The following SMIM10L3 variants were observed in gnomAD, a reference collection of about 807,000 sequenced individuals.
SMIM10L3 encodes small integral membrane protein 10 like 3.
the SMIM10L3 span, chr7:6,329,723 G>C: frequency 6.0e-6 from 1 of 166,258 alleles, no homozygotes; most frequent in African/African-American, 2.4e-5. Flanking sequence ...CTGTAACTGA[G>C]CTACTTTTTT....
At chr7:6,337,934 G>C in the SMIM10L3 span, among the ~76,000 whole-genome samples, 38 of 151,548 alleles carry the variant, frequency 2.5e-4, no homozygotes, top group Non-Finnish European at 4.6e-4. Context: ...CTCCCAAGTA[G>C]CTGGTACTAC....
chr7:6,331,788 T>A, the SMIM10L3 span, among the ~76,000 whole-genome samples: 1 of 147,580 alleles, frequency 6.8e-6, no homozygotes, highest in Non-Finnish European at 1.5e-5. Flanking sequence ...TTGCCTAGGC[T>A]GGAGTGCAAT....
chr7:6,337,095 A>G, the SMIM10L3 span, among the ~76,000 whole-genome samples: 562 of 148,474 alleles, frequency 3.8e-3, 3 homozygotes, highest in South Asian at 0.013. Flanking sequence ...TTGAGACAAG[A>G]GTCTCTCTCT....
chr7:6,339,596 G>T, the SMIM10L3 span, among the ~76,000 whole-genome samples: 1 of 151,736 alleles, frequency 6.6e-6, no homozygotes, highest in Admixed American at 6.6e-5. Context: ...CCATTCCGCT[G>T]CCTCAGCCTC....
At chr7:6,332,004 T>C in the SMIM10L3 span, among the ~76,000 whole-genome samples, 1 of 150,638 alleles carries the variant, frequency 6.6e-6, no homozygotes, top group Non-Finnish European at 1.5e-5. Flanking sequence ...CCCAGCTAGT[T>C]GGGAGGCTGA....
At chr7:6,330,682 T>A in the SMIM10L3 span, 3 of 1,614,126 alleles carry the variant, frequency 1.9e-6, no homozygotes, top group Non-Finnish European at 2.5e-6. Flanking sequence ...CACTTTTTGA[T>A]GGCGTGGCAG....
chr7:6,348,886 C>A, the SMIM10L3 span: 5 of 387,802 alleles, frequency 1.3e-5, no homozygotes, highest in Middle Eastern at 1.3e-3. Flanking sequence ...GCGGGCGGGC[C>A]GCAGTGGAGC....
the SMIM10L3 span, chr7:6,329,466 A>C: frequency 6.6e-6 from 1 of 152,650 alleles, no homozygotes; most frequent in Non-Finnish European, 1.5e-5. Flanking sequence ...CATTTTCCCC[A>C]AACACTAAAA....
At chr7:6,336,457 G>A in the SMIM10L3 span, among the ~76,000 whole-genome samples, 4,077 of 152,186 alleles carry the variant, frequency 0.027, 210 homozygotes, top group African/African-American at 0.093. Context: ...ATGGCAGGCA[G>A]ATCTCTTGAG....
chr7:6,346,794 G>A, the SMIM10L3 span, among the ~76,000 whole-genome samples: 1 of 152,216 alleles, frequency 6.6e-6, no homozygotes, highest in East Asian at 1.9e-4. Flanking sequence ...ATCATACTTT[G>A]ATATGGCCAA....
chr7:6,341,304 C>G, the SMIM10L3 span, among the ~76,000 whole-genome samples: 91,048 of 149,370 alleles, frequency 0.61, 29,272 homozygotes, highest in East Asian at 0.91. Flanking sequence ...TTGGCTGGGC[C>G]TGGTGGCGGG....
the SMIM10L3 span, among the ~76,000 whole-genome samples, chr7:6,332,313 T>C: frequency 6.6e-6 from 1 of 152,136 alleles, no homozygotes; most frequent in Non-Finnish European, 1.5e-5. Context: ...AAGAAAATAG[T>C]CTAATTAGTT....
chr7:6,347,829 G>C, the SMIM10L3 span, among the ~76,000 whole-genome samples: 1 of 150,884 alleles, frequency 6.6e-6, no homozygotes, highest in African/African-American at 2.4e-5. Flanking sequence ...CAAGATGGGA[G>C]GATCTCTTGA....
At chr7:6,347,863 G>C in the SMIM10L3 span, among the ~76,000 whole-genome samples, 28 of 148,340 alleles carry the variant, frequency 1.9e-4, no homozygotes, top group African/African-American at 6.7e-4. Context: ...AGACCAGCCT[G>C]GGCAACATAA....
chr7:6,335,758 G>A, the SMIM10L3 span, among the ~76,000 whole-genome samples: 3 of 152,130 alleles, frequency 2.0e-5, no homozygotes, highest in African/African-American at 7.2e-5. Flanking sequence ...AACCAGGCCA[G>A]GTGCAGTGGC....
At chr7:6,332,728 G>A in the SMIM10L3 span, among the ~76,000 whole-genome samples, 1 of 152,158 alleles carries the variant, frequency 6.6e-6, no homozygotes, top group East Asian at 1.9e-4. Context: ...TTAAAGAGCA[G>A]CAACACTGAA....
At chr7:6,341,940 G>C in the SMIM10L3 span, 1 of 151,970 alleles carries the variant, frequency 6.6e-6, no homozygotes, top group African/African-American at 2.4e-5. Context: ...GGAGGCTGCA[G>C]TGAGCCAAGA....
chr7:6,347,883 T>TTATTATTA, the SMIM10L3 span, among the ~76,000 whole-genome samples: 431 of 131,532 alleles, frequency 3.3e-3, 2 homozygotes, highest in African/African-American at 0.012. Flanking sequence ...ACGAGACCCC[T>TTATTATTA]TTATTATTAT....
the SMIM10L3 span, among the ~76,000 whole-genome samples, chr7:6,346,641 A>G: frequency 6.6e-6 from 1 of 152,146 alleles, no homozygotes; most frequent in South Asian, 2.1e-4. Flanking sequence ...TTGGCCTCCC[A>G]AAGTGTTGGG....
Sources: allele counts gnomAD v4.1 joint callset (sites outside exome capture counted in the v4.1 genomes callset), GRCh38; gene constraint gnomAD v4.1.1; transcripts MANE v1.5; gene names NCBI Gene and HGNC (gene_info 2026-07-23, HGNC 2026-07-21).